The following GXYLT1 variants were observed in gnomAD, a reference collection of about 807,000 sequenced individuals.
The protein encoded by GXYLT1 is glycosyltransferase 8 domain containing 3.
GXYLT1 carries 29 observed loss-of-function variants against 54.0 expected under a neutral mutation model. That is an observed-to-expected ratio of 0.54 (90% CI 0.40 to 0.73). The LOEUF (loss-of-function observed/expected upper bound fraction) is 0.73, where lower values mean the gene tolerates loss of function less well. Ranked by LOEUF, GXYLT1 falls within the 30% of genes least tolerant of loss-of-function variation. The pLI, the probability that GXYLT1 is intolerant of heterozygous loss-of-function variation, is 0.00. For synonymous variants in GXYLT1, 176 were observed against 204.1 expected (o/e 0.86, Z 1.17); for missense variants, 490 against 553.4 (o/e 0.89, Z 1.15).
At chr12:42,136,602 C>A (rs1259134998) in intron 1 of GXYLT1, among the ~76,000 whole-genome samples, 1 of 152,136 alleles carries the variant, frequency 6.6e-6, no homozygotes, top group Non-Finnish European at 1.5e-5. Context: ...AGGGGTAGCA[C>A]AAGGTACCTT....
At chr12:42,112,234 G>C (rs1429236181) in intron 3 of GXYLT1, among the ~76,000 whole-genome samples, 5 of 152,152 alleles carry the variant, frequency 3.3e-5, no homozygotes, top group Non-Finnish European at 7.3e-5. Context: ...AAAAAGCAGA[G>C]TGCCTCTCCT....
chr12:42,109,670 G>A lies in GXYLT1; in HGVS notation c.508C>T (p.Gln170Ter). 1 of 1,530,602 alleles carries A rather than the reference G, an allele frequency of 6.5e-7. No individual in the cohort carries two copies. Among genetic ancestry groups the A allele is most frequent in the Non-Finnish European group, 8.9e-7 (1 of 1,125,644 alleles). 94.8% of individuals were successfully genotyped at this position (1,530,602 alleles called of 1,614,324 possible). A position where few individuals can be genotyped will look rare whatever the true frequency, so the allele number is the denominator to read the frequency against. ...KGRLDNWSFL[Q>*]TFNYTLYPIT... ...GGGTATAACGTATAATTAAATGTTT[G>A]TAGAAATGACCAGTTGTCAAGCTAA... Residue 170 changes from glutamine (Q) to a stop codon, truncating the protein, a stop_gained, in exon 4 of 8, where the codon CAA becomes TAA. Transcript: ENST00000398675. LOFTEE classifies it high-confidence loss of function.
At chr12:42,103,410 T>G (rs372333180) in intron 5 of GXYLT1, among the ~76,000 whole-genome samples, 1 of 152,214 alleles carries the variant, frequency 6.6e-6, no homozygotes, top group Non-Finnish European at 1.5e-5. Context: ...TTAAGAACCA[T>G]GAAGCAACAA....
At chr12:42,099,670 T>C (rs2065378383) in intron 5 of GXYLT1, among the ~76,000 whole-genome samples, 1 of 152,110 alleles carries the variant, frequency 6.6e-6, no homozygotes, top group South Asian at 2.1e-4. Context: ...CTGGGCAACA[T>C]GGTGAAACCC....
At chr12:42,143,067 TCAAG>T (rs1408448353) in intron 1 of GXYLT1, among the ~76,000 whole-genome samples, 1 of 152,204 alleles carries the variant, frequency 6.6e-6, no homozygotes, top group Non-Finnish European at 1.5e-5. Context: ...AATTAGCTGG[TCAAG>T]CAAACAAAAT....
intron 3 of GXYLT1, among the ~76,000 whole-genome samples, chr12:42,116,955 A>C (rs2065499402): frequency 6.6e-6 from 1 of 152,034 alleles, no homozygotes; most frequent in Non-Finnish European, 1.5e-5. Context: ...GCCATAAAAA[A>C]TGATGAGTTC....
At chr12:42,136,484 A>T (rs547977608) in intron 1 of GXYLT1, among the ~76,000 whole-genome samples, 1 of 152,280 alleles carries the variant, frequency 6.6e-6, no homozygotes, top group South Asian at 2.1e-4. Flanking sequence ...CCTAAAAGGG[A>T]ACTTTTTCAC....
At position 42,112,044 on chromosome 12, in the gene GXYLT1, TAGCAAACTCCAAACTCCAACAGACCTGC is replaced by T. The variant is rs559714202; in HGVS notation, c.487-2381_487-2354del. ...GCAAACAGGGTCTGGAGTGGACCTC[TAGCAAACTCCAAACTCCAACAGACCTGC>T]AGCTGAGGGTCCTGTCTGGTAGAAG... On this transcript the variant is annotated intron_variant, in intron 3 of 7. Transcript: ENST00000398675. 6.7e-3 allele frequency among the ~76,000 whole-genome samples: 1,018 copies of T among 152,262 alleles called. 8 individuals carry two copies. The highest frequency in any genetic ancestry group is 0.011 in the Non-Finnish European group (736 of 68,004).
intron 7 of GXYLT1, among the ~76,000 whole-genome samples, chr12:42,091,524 A>G (rs2065329386): frequency 6.6e-6 from 1 of 152,146 alleles, no homozygotes; most frequent in African/African-American, 2.4e-5. Flanking sequence ...CTTCATTTTT[A>G]TCACCTTCTG....
intron 2 of GXYLT1, among the ~76,000 whole-genome samples, chr12:42,125,220 T>C (rs1872444): frequency 0.14 from 21,844 of 152,190 alleles, 1,697 homozygotes; most frequent in Non-Finnish European, 0.18. Context: ...AGAGTTAATG[T>C]AGACTGACAT....
rs749841303 is a variant in GXYLT1, at chr12:42,144,453, G to A, written c.194C>T (p.Pro65Leu). 6 of 1,309,780 alleles carry A rather than the reference G, an allele frequency of 4.6e-6. No homozygotes were observed. Among genetic ancestry groups the A allele is most frequent in the East Asian group, 3.2e-5 (1 of 30,862 alleles). The allele number at this position is 1,309,780 out of a possible 1,614,324, so 81.1% of individuals were successfully genotyped here. A position where few individuals can be genotyped will look rare whatever the true frequency, so the allele number is the denominator to read the frequency against. ...GTCCGACACGCCGGGATGCGCTGCG[G>A]GGCCCGCGACGCCGGCGCCTCTCAC... ...GAVRGAGVAG[P>L]AAHPGVSDRC... Residue 65 changes from proline (P) to leucine (L), a missense_variant, in exon 1 of 8, where the codon CCC becomes CTC. Physicochemically the swap from Pro to Leu is moderately conservative, Grantham distance 98. This residue lies in a region of GXYLT1 where 148 missense variants were observed against 210.7 expected (regional missense o/e 0.70). Transcript: ENST00000398675.
At chr12:42,142,380 A>C (rs957717996) in intron 1 of GXYLT1, among the ~76,000 whole-genome samples, 7 of 150,374 alleles carry the variant, frequency 4.7e-5, no homozygotes, top group African/African-American at 1.7e-4. Flanking sequence ...TCTGTCACCC[A>C]GGTTGGATTA....
chr12:42,143,089 T>C (rs2065660925), intron 1 of GXYLT1, among the ~76,000 whole-genome samples: 1 of 152,202 alleles, frequency 6.6e-6, no homozygotes. Context: ...AATTTGTAAA[T>C]TTCTGTCACA....
At chr12:42,097,159 A>G (rs149379335) in intron 7 of GXYLT1, among the ~76,000 whole-genome samples, 1 of 152,050 alleles carries the variant, frequency 6.6e-6, no homozygotes, top group East Asian at 1.9e-4. Flanking sequence ...GAGCGTCCTT[A>G]TTCTTAGTTT....
intron 1 of GXYLT1, among the ~76,000 whole-genome samples, chr12:42,132,366 A>G (rs1237092730): frequency 6.6e-6 from 1 of 152,170 alleles, no homozygotes; most frequent in East Asian, 1.9e-4. Flanking sequence ...CGCAGTACTG[A>G]TCATTTCTCT....
chr12:42,101,673 G>A (rs1437169939), intron 5 of GXYLT1, among the ~76,000 whole-genome samples: 5 of 151,944 alleles, frequency 3.3e-5, no homozygotes, highest in Non-Finnish European at 5.9e-5. Flanking sequence ...CTGGGTTCAA[G>A]TGATTCTCAT....
At chr12:42,108,130 T>C (rs2136891989) in intron 4 of GXYLT1, among the ~76,000 whole-genome samples, 2 of 152,350 alleles carry the variant, frequency 1.3e-5, no homozygotes, top group South Asian at 4.1e-4. Flanking sequence ...CAAGTAGTTC[T>C]TGTACTTAAA....
intron 7 of GXYLT1, among the ~76,000 whole-genome samples, chr12:42,088,504 A>G (rs546225201): frequency 1.2e-4 from 19 of 152,218 alleles, no homozygotes; most frequent in Non-Finnish European, 2.1e-4. Flanking sequence ...GATTCAGACT[A>G]GCACAGGAAA....
rs76439317 is a variant in GXYLT1, at chr12:42,127,359, T to A, written c.314+2400A>T. ...TATGACACAAAATGTTTGCTTTTTT[T>A]AAATGTAATAGCATGATATAATGGA... On this transcript the variant is annotated intron_variant, in intron 2 of 7. Transcript: ENST00000398675. 1.5e-4 allele frequency among the ~76,000 whole-genome samples: 23 copies of A among 152,084 alleles called. 1 individual carries two copies. Among genetic ancestry groups the A allele is most frequent in the Admixed American group, 3.9e-4 (6 of 15,296 alleles).
Sources: gnomAD v4.1 joint callset for allele counts (sites outside exome capture counted in the v4.1 genomes callset) on GRCh38, gnomAD v4.1.1 for gene constraint, gnomAD v4.1.1 regional missense constraint, MANE v1.5 for transcripts, NCBI Gene and HGNC (gene_info 2026-07-23, HGNC 2026-07-21) for gene names.